The following SH3GL3 variants were observed in gnomAD, a reference collection of about 807,000 sequenced individuals.
SH3GL3 encodes the protein SH3 domain containing GRB2 like 3, endophilin A3, also known as endophilin-A3.
A neutral mutation model predicts 47.7 loss-of-function variants in SH3GL3; 33 were observed. That is an observed-to-expected ratio of 0.69 (90% confidence interval 0.52 to 0.92). SH3GL3 has a LOEUF of 0.92. SH3GL3 is among the 40% of genes least tolerant of loss of function. The pLI is 0.00. For synonymous variants in SH3GL3, 155 were observed against 148.8 expected (o/e 1.04, Z -0.30); for missense variants, 363 against 417.8 (o/e 0.87, Z 1.14).
the SH3GL3 span, among the ~76,000 whole-genome samples, chr15:83,627,363 C>G: frequency 1.4e-5 from 2 of 147,834 alleles, no homozygotes; most frequent in Admixed American, 6.9e-5. Context: ...CGCCACTGCA[C>G]TCCAGACTGG....
chr15:83,630,624 GAAACCCCTTATA>G, the SH3GL3 span, among the ~76,000 whole-genome samples: 1 of 152,062 alleles, frequency 6.6e-6, no homozygotes, highest in Non-Finnish European at 1.5e-5. Context: ...AAAGCAGGGA[GAAACCCCTTATA>G]AAACCCCTTT....
At chr15:83,538,139 A>C (rs1036130285) in intron 1 of SH3GL3, among the ~76,000 whole-genome samples, 3 of 152,286 alleles carry the variant, frequency 2.0e-5, no homozygotes, top group African/African-American at 7.2e-5. Context: ...TCTTGAGTAT[A>C]GGTTATTAGA....
chr15:83,540,512 G>C (rs867027602), intron 1 of SH3GL3, among the ~76,000 whole-genome samples: 6 of 152,008 alleles, frequency 3.9e-5, no homozygotes, highest in Non-Finnish European at 8.8e-5. Flanking sequence ...TTTTACAATT[G>C]TTTAAATGTT....
chr15:83,606,906 T>G (rs986645232), intron 8 of SH3GL3, among the ~76,000 whole-genome samples: 1 of 152,222 alleles, frequency 6.6e-6, no homozygotes. Flanking sequence ...TTTAAATATT[T>G]TCTATATTTT....
At chr15:83,500,526 G>C (rs540023727) in intron 1 of SH3GL3, among the ~76,000 whole-genome samples, 5 of 152,318 alleles carry the variant, frequency 3.3e-5, no homozygotes, top group South Asian at 2.1e-4. Flanking sequence ...TATTGGTCTT[G>C]GGTGAGATGC....
At chr15:83,459,571 T>C (rs1242033041) in intron 1 of SH3GL3, among the ~76,000 whole-genome samples, 1 of 152,224 alleles carries the variant, frequency 6.6e-6, no homozygotes, top group Non-Finnish European at 1.5e-5. Flanking sequence ...AATATTGATC[T>C]ACGCCTAGTA....
intron 1 of SH3GL3, among the ~76,000 whole-genome samples, chr15:83,484,413 C>T (rs2041503280): frequency 6.6e-6 from 1 of 152,044 alleles, no homozygotes; most frequent in South Asian, 2.1e-4. Context: ...TTACTTTTAT[C>T]TTGTACTTTT....
intron 1 of SH3GL3, among the ~76,000 whole-genome samples, chr15:83,520,835 T>C (rs570073901): frequency 6.6e-6 from 1 of 152,284 alleles, no homozygotes; most frequent in South Asian, 2.1e-4. Context: ...CAGATAACTA[T>C]GTGAGATGAC....
intron 1 of SH3GL3, among the ~76,000 whole-genome samples, chr15:83,527,112 G>C (rs535772439): frequency 6.6e-6 from 1 of 152,090 alleles, no homozygotes; most frequent in Non-Finnish European, 1.5e-5. Context: ...TTTTGGTGTA[G>C]TCTTTAGGTT....
At chr15:83,469,749 A>G (rs2040744087) in intron 1 of SH3GL3, among the ~76,000 whole-genome samples, 1 of 152,116 alleles carries the variant, frequency 6.6e-6, no homozygotes, top group African/African-American at 2.4e-5. Flanking sequence ...ATCTTGGTAT[A>G]TGTTCTGTGG....
At chr15:83,536,093 A>T (rs913743427) in intron 1 of SH3GL3, among the ~76,000 whole-genome samples, 1 of 152,230 alleles carries the variant, frequency 6.6e-6, no homozygotes, top group South Asian at 2.1e-4. Flanking sequence ...GTTACTGCGC[A>T]GCTACTAATT....
chr15:83,622,291 C>T (rs2060917312), downstream of SH3GL3, among the ~76,000 whole-genome samples: 1 of 152,152 alleles, frequency 6.6e-6, no homozygotes, highest in African/African-American at 2.4e-5. Flanking sequence ...TGCTTTTCTG[C>T]TTTACTACAT....
At chr15:83,465,480 G>A (rs938623417) in intron 1 of SH3GL3, among the ~76,000 whole-genome samples, 32 of 151,854 alleles carry the variant, frequency 2.1e-4, no homozygotes, top group African/African-American at 7.5e-4. Flanking sequence ...CTCCTCTCCT[G>A]AGGATGTTTA....
chr15:83,558,703 G>T (rs112116502), intron 1 of SH3GL3, among the ~76,000 whole-genome samples: 13 of 152,152 alleles, frequency 8.5e-5, no homozygotes, highest in African/African-American at 3.1e-4. Context: ...ATCCCAGAAG[G>T]CCTTTCCTTC....
chr15:83,489,837 CGATAGATAGATA>C (rs60233650), intron 1 of SH3GL3, among the ~76,000 whole-genome samples: 1,689 of 144,734 alleles, frequency 0.012, 9 homozygotes, highest in Middle Eastern at 0.014. Context: ...TGTCAGAAGC[CGATAGATAGATA>C]GATAGATAGA....
intron 1 of SH3GL3, among the ~76,000 whole-genome samples, chr15:83,497,044 C>T (rs2042108729): frequency 6.6e-6 from 1 of 152,142 alleles, no homozygotes; most frequent in Non-Finnish European, 1.5e-5. Context: ...GCCCTGGAGC[C>T]CTCTAACATC....
chr15:83,462,671 G>T (rs980107348), intron 1 of SH3GL3, among the ~76,000 whole-genome samples: 1 of 152,156 alleles, frequency 6.6e-6, no homozygotes, highest in African/African-American at 2.4e-5. Context: ...TTAAAAATAT[G>T]TACCTGATGT....
chr15:83,618,559 C>A lies in SH3GL3; in HGVS notation c.*272C>A. 2.5e-6 allele frequency: 1 copy of A among 403,728 alleles called. No individual in the cohort carries two copies. Among genetic ancestry groups the A allele is most frequent in the Non-Finnish European group, 4.5e-6 (1 of 220,896 alleles). 25.0% of individuals were successfully genotyped at this position (403,728 alleles called of 1,614,324 possible). A position where few individuals can be genotyped will look rare whatever the true frequency, so the allele number is the denominator to read the frequency against. On this transcript the variant is annotated 3_prime_UTR_variant, in exon 9 of 9. Transcript: ENST00000427482. ...CCTGTGGCTAAAAATAAGTCTCACCCATTGCAGTTATGTCAACGAATGGCC... is the reference window on the plus strand; with the variant it reads ...CCTGTGGCTAAAAATAAGTCTCACCAATTGCAGTTATGTCAACGAATGGCC...
intron 1 of SH3GL3, among the ~76,000 whole-genome samples, chr15:83,498,330 C>T (rs79124446): frequency 0.018 from 2,746 of 152,216 alleles, 29 homozygotes; most frequent in African/African-American, 0.025. Flanking sequence ...CTGGGTGAGC[C>T]TGGGCAAGTA....
Sources: gnomAD v4.1 joint callset for allele counts (sites outside exome capture counted in the v4.1 genomes callset) on GRCh38, gnomAD v4.1.1 for gene constraint, MANE v1.5 for transcripts, NCBI Gene and HGNC (gene_info 2026-07-23, HGNC 2026-07-21) for gene names.